Variants in SOX5 observed in about 807,000 individuals in gnomAD.
The protein encoded by SOX5 is transcription factor SOX-5.
Under a neutral mutation model 92.0 loss-of-function variants are expected in SOX5, and 9 were observed. The ratio of observed to expected loss-of-function variants is 0.10; its 90% CI spans 0.06 to 0.17. The LOEUF is 0.17. Ranked by LOEUF, SOX5 falls within the 10% of genes least tolerant of loss-of-function variation. The pLI is 1.00. For missense variants in SOX5, 642 were observed against 944.5 expected (o/e 0.68, Z 4.20); for synonymous variants, 344 against 336.3 (o/e 1.02, Z -0.25).
At position 23,755,665 on chromosome 12, in the gene SOX5, C is replaced by T; in HGVS notation, c.541G>A (p.Gly181Arg). 6.3e-7 allele frequency: 1 copy of T among 1,590,902 alleles called. No individual in the cohort carries two copies. The highest frequency in any genetic ancestry group is 8.5e-7 in the Non-Finnish European group (1 of 1,169,678). Residue 181 changes from glycine to arginine, a missense_variant, in exon 4 of 15, where the codon GGA becomes AGA. By Grantham distance (125) the Gly-to-Arg change is moderately radical (BLOSUM62 -2). Transcript: ENST00000451604. ...TTTATTTCGCCAAAGTTCCCCGATC[C>T]CATTGCAAGAAGCTTGTCTTTCCAG... is the stretch of plus-strand genomic sequence containing the variant. ...KDWKDKLLAMGSGNFGEIKGT... is the reference protein window; with the variant it reads ...KDWKDKLLAMRSGNFGEIKGT...
At chr12:24,035,777 C>A (rs962509184) in intron 4 of SOX5, among the ~76,000 whole-genome samples, 7 of 151,976 alleles carry the variant, frequency 4.6e-5, no homozygotes, top group Admixed American at 3.3e-4. Context: ...GTTTTCCCTG[C>A]TGCCGTCCCC....
At chr12:23,662,496 T>C (rs1303247198) in intron 7 of SOX5, among the ~76,000 whole-genome samples, 2 of 152,220 alleles carry the variant, frequency 1.3e-5, no homozygotes, top group East Asian at 1.9e-4. Flanking sequence ...TTTACTCTTA[T>C]ATTGTTTAAA....
intron 2 of SOX5, 119 bp downstream of exon 2, chr12:23,895,674 T>A (rs2097169947): frequency 1.4e-6 from 1 of 696,162 alleles, no homozygotes; most frequent in African/African-American, 1.8e-5. Flanking sequence ...CAGGGGTGAA[T>A]CTTGTGCATG....
At chr12:23,839,934 C>T (rs1215364268) in intron 3 of SOX5, among the ~76,000 whole-genome samples, 2 of 149,644 alleles carry the variant, frequency 1.3e-5, no homozygotes, top group African/African-American at 4.9e-5. Context: ...GATGTCTCCT[C>T]TTACTACTCT....
chr12:23,699,079 C>A (rs1052081918), intron 6 of SOX5, among the ~76,000 whole-genome samples: 1 of 152,204 alleles, frequency 6.6e-6, no homozygotes, highest in Non-Finnish European at 1.5e-5. Context: ...ACCTGATGAA[C>A]ACAATCTGCA....
intron 6 of SOX5, among the ~76,000 whole-genome samples, chr12:23,717,503 C>G (rs1593605520): frequency 6.6e-6 from 1 of 152,134 alleles, no homozygotes; most frequent in East Asian, 1.9e-4. Flanking sequence ...GAGCAGAAAA[C>G]AGGCCTGGAG....
chr12:23,642,382 G>A (rs1378124484), intron 7 of SOX5, among the ~76,000 whole-genome samples: 1 of 152,196 alleles, frequency 6.6e-6, no homozygotes, highest in Non-Finnish European at 1.5e-5. Context: ...GCTATGGACT[G>A]CACTGTGGTT....
intron 2 of SOX5, among the ~76,000 whole-genome samples, chr12:24,345,620 G>C (rs564360193): frequency 6.6e-6 from 1 of 152,258 alleles, no homozygotes; most frequent in East Asian, 1.9e-4. Context: ...TATGAATATT[G>C]ATACTCCCAA....
chr12:24,449,236 A>C (rs935913765), intron 1 of SOX5, among the ~76,000 whole-genome samples: 6 of 152,120 alleles, frequency 3.9e-5, no homozygotes, highest in Non-Finnish European at 7.4e-5. Context: ...TTACAAAAAA[A>C]ATTCTAATTC....
chr12:24,394,022 TATTA>T (rs1478749446), intron 1 of SOX5, among the ~76,000 whole-genome samples: 1 of 152,092 alleles, frequency 6.6e-6, no homozygotes, highest in Non-Finnish European at 1.5e-5. Context: ...CTGACCACAC[TATTA>T]ATTAATTAGG....
intron 7 of SOX5, among the ~76,000 whole-genome samples, chr12:23,662,074 T>C (rs1425829731): frequency 6.6e-6 from 1 of 152,162 alleles, no homozygotes; most frequent in Non-Finnish European, 1.5e-5. Context: ...AGCTGACTGA[T>C]TAAACCAGTG....
chr12:23,640,693 T>A, intron 8 of SOX5, 119 bp downstream of exon 8: 1 of 725,326 alleles, frequency 1.4e-6, no homozygotes, highest in Non-Finnish European at 2.4e-6. Context: ...ACAAATAAAT[T>A]TAAAAACAGA....
At chr12:23,852,394 A>C (rs1050203000) in intron 2 of SOX5, among the ~76,000 whole-genome samples, 2 of 152,162 alleles carry the variant, frequency 1.3e-5, no homozygotes, top group Non-Finnish European at 2.9e-5. Flanking sequence ...AAATGGCCCC[A>C]TTATACTTCA....
At chr12:23,587,233 T>C (rs1950880436) in intron 9 of SOX5, among the ~76,000 whole-genome samples, 1 of 152,030 alleles carries the variant, frequency 6.6e-6, no homozygotes, top group South Asian at 2.1e-4. Context: ...CATCTAAATT[T>C]TACAAGTAAC....
intron 4 of SOX5, among the ~76,000 whole-genome samples, chr12:24,140,252 G>T (rs1950463222): frequency 6.6e-6 from 1 of 152,100 alleles, no homozygotes; most frequent in Non-Finnish European, 1.5e-5. Flanking sequence ...GTAAGGGAGG[G>T]GTGGTGGTGT....
chr12:24,547,068 G>C (rs1464477093), intron 1 of SOX5, among the ~76,000 whole-genome samples: 1 of 150,872 alleles, frequency 6.6e-6, no homozygotes, highest in Non-Finnish European at 1.5e-5. Context: ...AACAAAAAAA[G>C]AAATTATATT....
At chr12:23,699,667 T>G (rs1363988116) in intron 6 of SOX5, among the ~76,000 whole-genome samples, 1 of 152,168 alleles carries the variant, frequency 6.6e-6, no homozygotes, top group Non-Finnish European at 1.5e-5. Flanking sequence ...TATGCACTGC[T>G]CCTTTGTGTG....
intron 11 of SOX5, among the ~76,000 whole-genome samples, chr12:23,548,414 G>A (rs990017331): frequency 5.9e-4 from 90 of 151,966 alleles, no homozygotes; most frequent in Admixed American, 3.3e-4. Flanking sequence ...GATTCAGTTA[G>A]CTACCCAAAA....
chr12:23,727,548 G>A (rs1381083641), intron 6 of SOX5, among the ~76,000 whole-genome samples: 1 of 152,072 alleles, frequency 6.6e-6, no homozygotes, highest in Non-Finnish European at 1.5e-5. Flanking sequence ...CAAGTGTCAA[G>A]GAACACTTTA....
Sources: gnomAD v4.1 joint callset for allele counts (sites outside exome capture counted in the v4.1 genomes callset) on GRCh38, gnomAD v4.1.1 for gene constraint, MANE v1.5 for transcripts, NCBI Gene and HGNC (gene_info 2026-07-23, HGNC 2026-07-21) for gene names.